The following PTPRD variants were observed in gnomAD, a reference collection of about 807,000 sequenced individuals.
PTPRD encodes the protein receptor-type tyrosine-protein phosphatase delta.
Under a neutral mutation model 214.5 loss-of-function variants are expected in PTPRD, and 34 were observed. That is an observed-to-expected ratio of 0.16 (90% CI 0.12 to 0.21). PTPRD has a LOEUF of 0.21. PTPRD is among the 10% of genes least tolerant of loss of function. The pLI, the probability that PTPRD is intolerant of heterozygous loss-of-function variation, is 1.00. For synonymous variants in PTPRD, 1,128 were observed against 845.7 expected, an observed-to-expected ratio of 1.33 and a Z score of -5.79; for missense variants, 2,545 against 2,398.7, an observed-to-expected ratio of 1.06 and a Z score of -1.27.
intron 7 of PTPRD, among the ~76,000 whole-genome samples, chr9:9,647,936 C>T (rs1441499070): frequency 6.6e-6 from 1 of 152,096 alleles, no homozygotes; most frequent in Middle Eastern, 3.2e-3. Context: ...TTGTGTGTGG[C>T]TTCTGCATAC....
chr9:8,822,611 C>T (rs751217806), intron 11 of PTPRD, among the ~76,000 whole-genome samples: 18 of 152,160 alleles, frequency 1.2e-4, no homozygotes, highest in Non-Finnish European at 2.5e-4. Context: ...CACATGCTTA[C>T]AAGTACAGTA....
intron 2 of PTPRD, among the ~76,000 whole-genome samples, chr9:10,469,607 T>C (rs1263190955): frequency 1.3e-5 from 2 of 152,092 alleles, no homozygotes; most frequent in African/African-American, 4.8e-5. Context: ...TGGCGCTTCC[T>C]CAAAGAACTA....
intron 11 of PTPRD, among the ~76,000 whole-genome samples, chr9:8,790,412 T>C (rs35883751): frequency 1.3e-5 from 2 of 151,536 alleles, no homozygotes; most frequent in African/African-American, 4.8e-5. Flanking sequence ...ATCTTGTCTG[T>C]TTTTTGTTTT....
At chr9:9,465,578 T>A (rs2094075379) in intron 8 of PTPRD, among the ~76,000 whole-genome samples, 1 of 152,216 alleles carries the variant, frequency 6.6e-6, no homozygotes, top group African/African-American at 2.4e-5. Flanking sequence ...TTTTTCTGTC[T>A]CTACAGGACA....
chr9:9,732,543 G>T (rs1284544386), intron 7 of PTPRD, among the ~76,000 whole-genome samples: 3 of 152,116 alleles, frequency 2.0e-5, no homozygotes, highest in Non-Finnish European at 4.4e-5. Flanking sequence ...AATTACAGGA[G>T]GAGGGTCCAG....
At chr9:9,110,734 G>T (rs979967549) in intron 10 of PTPRD, among the ~76,000 whole-genome samples, 1 of 152,114 alleles carries the variant, frequency 6.6e-6, no homozygotes, top group African/African-American at 2.4e-5. Flanking sequence ...ACTTTGGAAA[G>T]TCTTCTCTGA....
chr9:9,700,068 T>C (rs538526600), intron 7 of PTPRD, among the ~76,000 whole-genome samples: 21 of 152,158 alleles, frequency 1.4e-4, no homozygotes, highest in Non-Finnish European at 2.8e-4. Context: ...TCCTTAAATA[T>C]GATGTTGCAT....
At chr9:9,906,457 C>A (rs539288686) in intron 5 of PTPRD, among the ~76,000 whole-genome samples, 13 of 151,822 alleles carry the variant, frequency 8.6e-5, no homozygotes, top group Non-Finnish European at 1.8e-4. Context: ...TTGGTGCCTA[C>A]GTAATCAGTA....
intron 2 of PTPRD, among the ~76,000 whole-genome samples, chr9:10,453,472 T>G (rs2130925670): frequency 6.6e-6 from 1 of 151,794 alleles, no homozygotes; most frequent in Middle Eastern, 3.4e-3. Context: ...ATGTGTATTC[T>G]TCAATATCTT....
chr9:8,411,540 G>T (rs2093525530), intron 35 of PTPRD, among the ~76,000 whole-genome samples: 1 of 152,158 alleles, frequency 6.6e-6, no homozygotes, highest in African/African-American at 2.4e-5. Context: ...ATGACCTTAA[G>T]TGATCCACCT....
At chr9:8,544,085 T>C (rs751570378) in intron 14 of PTPRD, among the ~76,000 whole-genome samples, 47 of 152,126 alleles carry the variant, frequency 3.1e-4, no homozygotes, top group Middle Eastern at 3.4e-3. Context: ...GGTTGAAGGT[T>C]CATAGACTTC....
In PTPRD at chr9:8,705,251, T is replaced by G. The variant is rs191460784; in HGVS notation, c.64+28529A>C. Among the ~76,000 whole-genome samples the G allele has an allele frequency of 1.2e-3, 186 of 152,308 alleles. 2 individuals carry two copies. Among genetic ancestry groups the G allele is most frequent in the African/African-American group, 3.9e-3 (161 of 41,558 alleles). On this transcript the variant is annotated intron_variant, in intron 12 of 45. Coordinates refer to ENST00000381196, the MANE Select transcript of PTPRD (RefSeq NM_002839.4). ...TGTTGTTTTGTTTTTTGAGATGGTC[T>G]CACTTGTCACCCAGACTGGAGTGCA...
intron 43 of PTPRD, among the ~76,000 whole-genome samples, chr9:8,332,824 T>C (rs73410514): frequency 0.013 from 1,997 of 152,330 alleles, 42 homozygotes; most frequent in African/African-American, 0.045. Context: ...ATTTCTCATT[T>C]GAAGAGGTCC....
At chr9:9,119,277 C>T (rs987443996) in intron 10 of PTPRD, among the ~76,000 whole-genome samples, 2 of 152,130 alleles carry the variant, frequency 1.3e-5, no homozygotes, top group Non-Finnish European at 2.9e-5. Context: ...AACCAGCTGG[C>T]CTAGTTTCTA....
intron 4 of PTPRD, among the ~76,000 whole-genome samples, chr9:9,952,862 A>G (rs2093579801): frequency 6.6e-6 from 1 of 152,088 alleles, no homozygotes; most frequent in Non-Finnish European, 1.5e-5. Context: ...TGATCTGTTC[A>G]CTTATCTGGC....
intron 11 of PTPRD, among the ~76,000 whole-genome samples, chr9:8,834,479 C>T (rs1372563857): frequency 2.0e-5 from 3 of 152,224 alleles, no homozygotes; most frequent in African/African-American, 4.8e-5. Context: ...CTTGTTCACA[C>T]ATTTAATTCC....
chr9:10,037,580 G>GAAAAA (rs376794277), intron 3 of PTPRD, among the ~76,000 whole-genome samples: 1 of 83,110 alleles, frequency 1.2e-5, no homozygotes, highest in African/African-American at 3.4e-5. Flanking sequence ...TATAGCAGTG[G>GAAAAA]AAAAAAAAAA....
intron 7 of PTPRD, among the ~76,000 whole-genome samples, chr9:9,609,642 T>C (rs1564031133): frequency 6.6e-6 from 1 of 152,142 alleles, no homozygotes; most frequent in Non-Finnish European, 1.5e-5. Context: ...TTTGTATTTT[T>C]AGTAGAGATG....
At chr9:10,537,527 T>C (rs1264466303) in intron 2 of PTPRD, among the ~76,000 whole-genome samples, 1 of 152,164 alleles carries the variant, frequency 6.6e-6, no homozygotes, top group Admixed American at 6.6e-5. Context: ...ATTGCAATGA[T>C]TTTTGGTATT....
Sources: gnomAD v4.1 joint callset for allele counts (sites outside exome capture counted in the v4.1 genomes callset) on GRCh38, gnomAD v4.1.1 for gene constraint, MANE v1.5 for transcripts, NCBI Gene and HGNC (gene_info 2026-07-23, HGNC 2026-07-21) for gene names.